The following PCDHGA6 variants were observed in gnomAD, a reference collection of about 807,000 sequenced individuals.
PCDHGA6 encodes protocadherin gamma-A6.
A neutral mutation model predicts 60.6 loss-of-function variants in PCDHGA6; 41 were observed. The ratio of observed to expected loss-of-function variants is 0.68; its 90% CI spans 0.53 to 0.88. The LOEUF is 0.88. Ranked by LOEUF, PCDHGA6 falls within the 40% of genes least tolerant of loss-of-function variation. The pLI is 0.00. For synonymous variants in PCDHGA6, 594 were observed against 524.4 expected (o/e 1.13, Z -1.81); for missense variants, 1,312 against 1,203.0 (o/e 1.09, Z -1.34).
chr5:141,426,451 C>T (rs561567196), intron 1 of PCDHGA6: 1 of 308,946 alleles, frequency 3.2e-6, no homozygotes, highest in Non-Finnish European at 6.4e-6. Flanking sequence ...GGACATGCGG[C>T]TGCATGTTCA....
At chr5:141,454,267 A>G (rs1270638226) in intron 1 of PCDHGA6, among the ~76,000 whole-genome samples, 1 of 152,254 alleles carries the variant, frequency 6.6e-6, no homozygotes, top group Non-Finnish European at 1.5e-5. Context: ...AAGTAATGCC[A>G]GCAAAAACTT....
intron 1 of PCDHGA6, chr5:141,391,032 T>C (rs908748282): frequency 2.0e-5 from 3 of 152,212 alleles, no homozygotes; most frequent in African/African-American, 7.2e-5. Context: ...AAGACAATGT[T>C]TTGTGTCTGT....
rs1455759096 is a variant in PCDHGA6, at chr5:141,489,539, C to T, written c.2425-5268C>T. 6.2e-7 allele frequency: 1 copy of T among 1,613,980 alleles called. No individual in the cohort carries two copies. Among genetic ancestry groups the T allele is most frequent in the African/African-American group, 1.3e-5 (1 of 74,912 alleles). On this transcript the variant is annotated intron_variant, in intron 1 of 3. Coordinates refer to ENST00000517434, the MANE Select transcript of PCDHGA6 (RefSeq NM_018919.3). This position sits in a 1 kb window ranked among gnomAD's most constrained non-coding sequence, Gnocchi z 4.5. Reference sequence around the variant, plus strand: ...CGAGAAAGCCTATGTGGAGCCAGCACCAGCTGCCTGCTGCCAGTGCAGGTG... The same window carrying T: ...CGAGAAAGCCTATGTGGAGCCAGCATCAGCTGCCTGCTGCCAGTGCAGGTG...
At chr5:141,488,762 C>T (rs1470160100) in intron 1 of PCDHGA6, among the ~76,000 whole-genome samples, 1 of 152,142 alleles carries the variant, frequency 6.6e-6, no homozygotes, top group Non-Finnish European at 1.5e-5. Context: ...TGGGACAGAA[C>T]GCTGAGGAGT....
At chr5:141,398,121 A>C (rs554777335) in intron 1 of PCDHGA6, 28 of 1,590,306 alleles carry the variant, frequency 1.8e-5, no homozygotes, top group Admixed American at 3.6e-5. Context: ...TGAGGAGAGC[A>C]AGAGGGATGG....
chr5:141,404,214 C>A, intron 1 of PCDHGA6: 1 of 1,613,562 alleles, frequency 6.2e-7, no homozygotes, highest in Non-Finnish European at 8.5e-7. Flanking sequence ...TATAATATCA[C>A]GGTGACTGCA....
At position 141,510,228 on chromosome 5, in the gene PCDHGA6, G is replaced by A. The variant is rs529723748; in HGVS notation, c.2573-719G>A. The stretch of plus-strand genomic sequence containing the variant: ...GCAGAGGTTGCAGTGAGCCGGGATC[G>A]CGCCACTGCACTCCAGGCTGGGCGA... On this transcript the variant is annotated intron_variant, in intron 3 of 3. Coordinates refer to ENST00000517434, the MANE Select transcript of PCDHGA6 (RefSeq NM_018919.3). Among the ~76,000 whole-genome samples the A allele has an allele frequency of 1.4e-3, 208 of 150,722 alleles. 1 individual carries two copies. Among genetic ancestry groups the A allele is most frequent in the African/African-American group, 4.7e-3 (193 of 40,860 alleles).
chr5:141,375,123 T>C lies in PCDHGA6; in HGVS notation c.1040T>C (p.Val347Ala). The C allele has an allele frequency of 1.2e-6, 2 of 1,613,914 alleles. No individual in the cohort carries two copies. ...GATGTCAATGATAATGTACCAGAAG[T>C]GGTTGTTACATCTGGAAGCAGAACA... ...ILDVNDNVPE[V>A]VVTSGSRTIA... The change falls in exon 1 of 4, where the codon GTG becomes GCG. Residue 347 changes from valine to alanine, a missense_variant. Val to Ala is a moderately conservative substitution (Grantham distance 64, BLOSUM62 0). Coordinates refer to ENST00000517434, the MANE Select transcript of PCDHGA6 (RefSeq NM_018919.3).
At chr5:141,494,736 T>C in intron 1 of PCDHGA6, 71 bp from the exon 2 acceptor site, 1 of 1,611,858 alleles carries the variant, frequency 6.2e-7, no homozygotes, top group Non-Finnish European at 8.5e-7. Context: ...TCCCGGCCCA[T>C]CCCTAGGGGC....
At position 141,490,328 on chromosome 5, in the gene PCDHGA6, C is replaced by T; in HGVS notation, c.2425-4479C>T. 2 of 1,614,228 alleles carry T rather than the reference C, an allele frequency of 1.2e-6. No homozygotes were observed. Among genetic ancestry groups the T allele is most frequent in the Non-Finnish European group, 1.7e-6 (2 of 1,180,048 alleles). Reference sequence around the variant, plus strand: ...TTGGCCAACCCTGTCCTAGAGAGCACACCAGTGGGCACAGTAGTGGGGTTG... The same window carrying T: ...TTGGCCAACCCTGTCCTAGAGAGCATACCAGTGGGCACAGTAGTGGGGTTG... On this transcript the variant is annotated intron_variant, in intron 1 of 3. Coordinates refer to ENST00000517434, the MANE Select transcript of PCDHGA6 (RefSeq NM_018919.3). The surrounding 1 kb of genome is among the most constrained non-coding windows in gnomAD (Gnocchi z 5.4).
At chr5:141,507,121 G>A (rs940889204) in intron 3 of PCDHGA6, 1 of 152,126 alleles carries the variant, frequency 6.6e-6, no homozygotes, top group African/African-American at 2.4e-5. Flanking sequence ...GGCTGCCTTT[G>A]GATCCAGCCT....
At chr5:141,416,687 A>G (rs1283053610) in intron 1 of PCDHGA6, 1 of 152,270 alleles carries the variant, frequency 6.6e-6, no homozygotes, top group Non-Finnish European at 1.5e-5. Flanking sequence ...GGGAAATTAT[A>G]TAAACAAAGG....
rs2099606506 is a variant in PCDHGA6 at position 141,485,072 on chromosome 5, G to A, written c.2425-9735G>A. ...CCGGCCGAACCGCGCCAGAGCTGGC[G>A]CGGGGAAAGGGAGATAGGTGTCTCC... On this transcript the variant is annotated intron_variant, in intron 1 of 3. Transcript: ENST00000517434. This position sits in a 1 kb window ranked among gnomAD's most constrained non-coding sequence, Gnocchi z 5.7. 2 of 916,892 alleles carry A rather than the reference G, an allele frequency of 2.2e-6. No homozygotes were observed. The highest frequency in any genetic ancestry group is 3.4e-6 in the Non-Finnish European group (2 of 587,886). The allele number at this position is 916,892 out of a possible 1,614,324, so 56.8% of individuals were successfully genotyped here.
At chr5:141,417,556 A>C (rs1240389709) in intron 1 of PCDHGA6, 1 of 333,096 alleles carries the variant, frequency 3.0e-6, no homozygotes, top group Non-Finnish European at 5.4e-6. Context: ...TGAAAGAGGT[A>C]GAGAAAAGTC....
chr5:141,400,521 G>A (rs1462677478), intron 1 of PCDHGA6: 5 of 1,613,972 alleles, frequency 3.1e-6, no homozygotes, highest in Non-Finnish European at 4.2e-6. Context: ...CCCATCCTGA[G>A]TTGGTGAGTT....
Position 141,485,298 on chromosome 5 carries a change from G to A in PCDHGA6, c.2425-9509G>A, listed in dbSNP as rs1562104502. 1 of 1,613,978 alleles carries A rather than the reference G, an allele frequency of 6.2e-7. No individual in the cohort carries two copies. On this transcript the variant is annotated intron_variant, in intron 1 of 3. Coordinates refer to ENST00000517434, the MANE Select transcript of PCDHGA6 (RefSeq NM_018919.3). This position sits in a 1 kb window ranked among gnomAD's most constrained non-coding sequence, Gnocchi z 5.7. ...CCGGTCCCAGAGGAGTCACAGGAAG[G>A]GACTTTTGTAGGGAATGTCGCTCAA...
chr5:141,405,514 A>C, intron 1 of PCDHGA6: 1 of 704,834 alleles, frequency 1.4e-6, no homozygotes, highest in Non-Finnish European at 2.3e-6. Context: ...CCGCCTCCCA[A>C]ATTCAAGCGA....
rs763451417 is a variant in PCDHGA6, at chr5:141,408,628, T to G, written c.2424+32121T>G. On this transcript the variant is annotated intron_variant, in intron 1 of 3. Transcript: ENST00000517434. The stretch of plus-strand genomic sequence containing the variant: ...ATAAAAAGGAAATACATTTAGAAAT[T>G]TTCGAATCTGCATCCGCTGGTACAC... The G allele has an allele frequency of 3.7e-6, 6 of 1,613,920 alleles. No individual in the cohort carries two copies. In the Admixed American group the frequency reaches 1.0e-4, roughly 27 times the overall value.
At chr5:141,421,283 T>G (rs2096560959) in intron 1 of PCDHGA6, 4 of 1,612,952 alleles carry the variant, frequency 2.5e-6, no homozygotes, top group Non-Finnish European at 3.4e-6. Flanking sequence ...CTGCTGTGCA[T>G]TTTCCTGGGG....
Sources: gnomAD v4.1 joint callset for allele counts (sites outside exome capture counted in the v4.1 genomes callset) on GRCh38, gnomAD v4.1.1 for gene constraint, Gnocchi (gnomAD v3.1) non-coding constraint, MANE v1.5 for transcripts, NCBI Gene and HGNC (gene_info 2026-07-23, HGNC 2026-07-21) for gene names.